TET1: variants seen among roughly 807,000 people sequenced by gnomAD.
The protein encoded by TET1 is tet methylcytosine dioxygenase 1.
A neutral mutation model predicts 148.7 loss-of-function variants in TET1; 13 were observed. The observed-to-expected ratio is 0.09, with a 90% CI of 0.06 to 0.14. The LOEUF (loss-of-function observed/expected upper bound fraction) is 0.14, where lower values mean the gene tolerates loss of function less well. Among genes scored for constraint, TET1 ranks in the 10% least tolerant of loss-of-function variants. The pLI is 1.00. For missense variants in TET1, 2,182 were observed against 2,553.8 expected (o/e 0.85, Z 3.14); for synonymous variants, 907 against 937.2 (o/e 0.97, Z 0.59).
intron 3 of TET1, among the ~76,000 whole-genome samples, chr10:68,640,544 C>CTTTTTT (rs60460824): frequency 0.027 from 1,156 of 42,904 alleles, 253 homozygotes; most frequent in Middle Eastern, 0.077. Context: ...TTCTTTCTTT[C>CTTTTTT]TTTTTTTTTT....
In TET1 at chr10:68,645,101, A is replaced by T. The variant is rs748569151; in HGVS notation, c.2372A>T (p.Tyr791Phe). 4.3e-6 allele frequency: 7 copies of T among 1,612,068 alleles called. No individual in the cohort carries two copies. Among genetic ancestry groups the T allele is most frequent in the African/African-American group, 2.7e-5 (2 of 74,924 alleles). ...GGCAAGACATTGGAAAACAATTCTT[A>T]TAAATTCCTAAAAGACACTGCAAAC... ...EFGKTLENNSYKFLKDTANHK... is the reference protein window; with the variant it reads ...EFGKTLENNSFKFLKDTANHK... The change falls in exon 4 of 12, where the codon TAT becomes TTT. Residue 791 changes from tyrosine to phenylalanine, a missense_variant. Coordinates refer to ENST00000373644, the MANE Select transcript of TET1 (RefSeq NM_030625.3).
chr10:68,590,813 A>T (rs1169694821), intron 2 of TET1, among the ~76,000 whole-genome samples: 4 of 151,256 alleles, frequency 2.6e-5, no homozygotes, highest in Non-Finnish European at 5.9e-5. Flanking sequence ...ATAAATATTT[A>T]AAAAATATAT....
At chr10:68,615,356 C>CTTTTTTTTTTT (rs71019038) in intron 3 of TET1, among the ~76,000 whole-genome samples, 1,794 of 145,252 alleles carry the variant, frequency 0.012, 48 homozygotes, top group African/African-American at 0.043. Flanking sequence ...CTTTTCTTTT[C>CTTTTTTTTTTT]TTTTTTTGAG....
intron 2 of TET1, among the ~76,000 whole-genome samples, chr10:68,577,537 T>C (rs1180105091): frequency 6.6e-6 from 1 of 151,698 alleles, no homozygotes; most frequent in Non-Finnish European, 1.5e-5. Flanking sequence ...GCCGGGTGCA[T>C]TGGCTCACTC....
At chr10:68,649,532 G>A (rs2054900605) in intron 4 of TET1, among the ~76,000 whole-genome samples, 1 of 151,482 alleles carries the variant, frequency 6.6e-6, no homozygotes, top group African/African-American at 2.4e-5. Context: ...GCGTGAACTG[G>A]GAGGCAGAGC....
chr10:68,568,510 G>T (rs545424068), intron 1 of TET1, among the ~76,000 whole-genome samples: 77 of 152,310 alleles, frequency 5.1e-4, no homozygotes, highest in African/African-American at 1.7e-3. Flanking sequence ...CAAAGTGCTA[G>T]GATTACAGGT....
rs374219742 is a variant in TET1 at position 68,651,450 on chromosome 10, CA to C, written c.4277-386del. ...TGGGCGACAGAGCAAGACTCTGTCT[CA>C]AAAAAAAAAGGGGATTGCTCAATTT... On this transcript the variant is annotated intron_variant, in intron 4 of 11. Transcript: ENST00000373644. Among the ~76,000 whole-genome samples, 648 of 143,224 alleles carry C rather than the reference CA, an allele frequency of 4.5e-3. 5 individuals carry two copies. Among genetic ancestry groups the C allele is most frequent in the African/African-American group, 0.015 (587 of 39,192 alleles). The allele number at this position is 143,224 out of a possible 152,430, so 94.0% of individuals were successfully genotyped here. A position where few individuals can be genotyped will look rare whatever the true frequency, so the allele number is the denominator to read the frequency against.
intron 2 of TET1, among the ~76,000 whole-genome samples, chr10:68,587,535 A>AAAAC (rs3831347): frequency 0.55 from 83,065 of 151,494 alleles, 22,820 homozygotes; most frequent in Middle Eastern, 0.61. Flanking sequence ...ATGAGTTGGT[A>AAAAC]AAACAGACTA....
At chr10:68,633,365 T>TG (rs1436715979) in intron 3 of TET1, among the ~76,000 whole-genome samples, 3 of 125,868 alleles carry the variant, frequency 2.4e-5, no homozygotes, top group Non-Finnish European at 5.1e-5. Context: ...AAATTTATAC[T>TG]GGGTTTTTTT....
chr10:68,561,183 T>A (rs1173170357), intron 1 of TET1, among the ~76,000 whole-genome samples: 2 of 150,810 alleles, frequency 1.3e-5, no homozygotes, highest in Non-Finnish European at 3.0e-5. Flanking sequence ...GAGGCTAGAG[T>A]CTGTGCAAGT....
At chr10:68,622,398 G>A (rs888389718) in intron 3 of TET1, among the ~76,000 whole-genome samples, 2 of 152,050 alleles carry the variant, frequency 1.3e-5, no homozygotes, top group Non-Finnish European at 2.9e-5. Context: ...CAGAGTAGCT[G>A]GGATTGCAGG....
intron 6 of TET1, among the ~76,000 whole-genome samples, 171 bp downstream of exon 6, chr10:68,652,765 T>C (rs937081751): frequency 1.3e-5 from 2 of 151,854 alleles, no homozygotes; most frequent in African/African-American, 4.8e-5. Context: ...CACACCTCAC[T>C]GCAGCCTTGA....
At chr10:68,675,839 C>G (rs953597893) in intron 8 of TET1, among the ~76,000 whole-genome samples, 5 of 152,058 alleles carry the variant, frequency 3.3e-5, no homozygotes, top group African/African-American at 1.2e-4. Flanking sequence ...AATACCTAGG[C>G]TCTTTTATAA....
At chr10:68,591,875 A>C (rs1179961947) in intron 2 of TET1, among the ~76,000 whole-genome samples, 1 of 152,100 alleles carries the variant, frequency 6.6e-6, no homozygotes, top group Non-Finnish European at 1.5e-5. Flanking sequence ...ACTGCACTCC[A>C]GCCTGGGTGA....
At chr10:68,610,942 T>G (rs2054200319) in intron 3 of TET1, among the ~76,000 whole-genome samples, 1 of 152,180 alleles carries the variant, frequency 6.6e-6, no homozygotes, top group Admixed American at 6.6e-5. Flanking sequence ...GCCCAGCTAG[T>G]AATTTTTTAA....
chr10:68,566,775 A>G lies in TET1; in HGVS notation c.-122-5442A>G, dbSNP rs572238910. On this transcript the variant is annotated intron_variant, in intron 1 of 11. Coordinates refer to ENST00000373644, the MANE Select transcript of TET1 (RefSeq NM_030625.3). ...TGGAGAATATAGCAAACTCTGAGTT[A>G]AACTGGTTCCATAATAATGATAACT... is the stretch of plus-strand genomic sequence containing the variant. 8.5e-5 allele frequency among the ~76,000 whole-genome samples: 13 copies of G among 152,102 alleles called. No homozygotes were observed. The South Asian group carries it at 2.1e-3, about 24-fold the overall frequency.
At chr10:68,632,095 C>T (rs1188014589) in intron 3 of TET1, among the ~76,000 whole-genome samples, 2 of 151,844 alleles carry the variant, frequency 1.3e-5, no homozygotes, top group African/African-American at 4.8e-5. Context: ...AAGGCCTAGG[C>T]GGGTGGATCA....
Position 68,597,283 on chromosome 10 carries a change from C to T in TET1, c.1915-3698C>T, listed in dbSNP as rs2054000311. ...TCCTGACCTGAAGTGATCCACCTGC[C>T]TCAGCCTTCCAAAGTGCTAGGATTA... On this transcript the variant is annotated intron_variant, in intron 2 of 11. Coordinates refer to ENST00000373644, the MANE Select transcript of TET1 (RefSeq NM_030625.3). Among the ~76,000 whole-genome samples the T allele has an allele frequency of 3.3e-5, 5 of 152,224 alleles. 1 individual carries two copies. The South Asian group carries it at 1.0e-3, about 32-fold the overall frequency.
chr10:68,617,868 A>G (rs2054316932), intron 3 of TET1, among the ~76,000 whole-genome samples: 1 of 151,626 alleles, frequency 6.6e-6, no homozygotes, highest in African/African-American at 2.4e-5. Context: ...TTTTAACCCA[A>G]ACATTTTATC....
Sources: gnomAD v4.1 joint callset for allele counts (sites outside exome capture counted in the v4.1 genomes callset) on GRCh38, gnomAD v4.1.1 for gene constraint, MANE v1.5 for transcripts, NCBI Gene and HGNC (gene_info 2026-07-23, HGNC 2026-07-21) for gene names.